MINDY3: variants seen among roughly 807,000 people sequenced by gnomAD.
MINDY3 encodes MINDY lysine 48 deubiquitinase 3.
MINDY3 carries 38 observed loss-of-function variants against 69.2 expected under a neutral mutation model. The observed-to-expected ratio is 0.55, with a 90% CI of 0.42 to 0.72. MINDY3 has a LOEUF of 0.72. Among genes scored for constraint, MINDY3 ranks in the 30% least tolerant of loss-of-function variants. The pLI is 0.00. For missense variants in MINDY3, 522 were observed against 519.0 expected (o/e 1.01, Z -0.06); for synonymous variants, 192 against 180.1 (o/e 1.07, Z -0.53).
chr10:15,849,487 G>A (rs1588652502), intron 1 of MINDY3, among the ~76,000 whole-genome samples: 1 of 151,386 alleles, frequency 6.6e-6, no homozygotes, highest in East Asian at 1.9e-4. Flanking sequence ...AGGAAGAGAA[G>A]CAGGAAGAAG....
At chr10:15,812,001 G>A (rs569651234) in intron 10 of MINDY3, among the ~76,000 whole-genome samples, 61 of 151,966 alleles carry the variant, frequency 4.0e-4, no homozygotes, top group Non-Finnish European at 7.4e-4. Context: ...GAGTGAAGTG[G>A]CACAATCTCA....
Position 15,837,965 on chromosome 10 carries a change from ATT to A in MINDY3, c.461+261_461+262del, listed in dbSNP as rs1025455309. On this transcript the variant is annotated intron_variant, in intron 5 of 14. Coordinates refer to ENST00000277632, the MANE Select transcript of MINDY3 (RefSeq NM_024948.4). ...GTCACAGAAACATTAAGCTAAAATG[ATT>A]TTTTTTCATTGTAATGATGAAAAAG... 3.1e-6 allele frequency: 3 copies of A among 961,052 alleles called. 1 individual carries two copies. Among genetic ancestry groups the A allele is most frequent in the East Asian group, 2.3e-4 (2 of 8,668 alleles). The allele number at this position is 961,052 out of a possible 1,614,324, so 59.5% of individuals were successfully genotyped here. A position where few individuals can be genotyped will look rare whatever the true frequency, so the allele number is the denominator to read the frequency against.
rs138217727 is a variant in MINDY3, at chr10:15,827,258, C to T, written c.731-5532G>A. ...TGATTTAACCTCATAAATATGAAAG[C>T]CAGCCAGGCGCGGTAGCTCACGCCT... On this transcript the variant is annotated intron_variant, in intron 8 of 14. Coordinates refer to ENST00000277632, the MANE Select transcript of MINDY3 (RefSeq NM_024948.4). Among the ~76,000 whole-genome samples the T allele has an allele frequency of 2.0e-4, 30 of 150,102 alleles. No homozygotes were observed. In the East Asian group the frequency reaches 4.9e-3, roughly 24 times the overall value.
intron 9 of MINDY3, among the ~76,000 whole-genome samples, chr10:15,818,323 A>C (rs1045523523): frequency 6.6e-6 from 1 of 151,942 alleles, no homozygotes; most frequent in African/African-American, 2.4e-5. Flanking sequence ...GAAGTAAAAA[A>C]AAAAAACAAA....
chr10:15,842,063 C>T (rs952107532), intron 3 of MINDY3, among the ~76,000 whole-genome samples: 4 of 151,654 alleles, frequency 2.6e-5, no homozygotes, highest in South Asian at 2.1e-4. Context: ...GATGAGAGAC[C>T]GTCAGCACAT....
At chr10:15,824,447 G>GA (rs1248383629) in intron 8 of MINDY3, among the ~76,000 whole-genome samples, 2 of 152,074 alleles carry the variant, frequency 1.3e-5, no homozygotes, top group Non-Finnish European at 2.9e-5. Flanking sequence ...TCTTTAACAT[G>GA]AAAAACATTG....
intron 8 of MINDY3, among the ~76,000 whole-genome samples, chr10:15,832,136 C>T (rs533614032): frequency 2.0e-5 from 3 of 152,094 alleles, no homozygotes; most frequent in East Asian, 1.9e-4. Flanking sequence ...CCGGAGAACG[C>T]GTAGAAAGAT....
At chr10:15,844,214 A>C (rs1343465622) in intron 2 of MINDY3, among the ~76,000 whole-genome samples, 1 of 152,164 alleles carries the variant, frequency 6.6e-6, no homozygotes, top group African/African-American at 2.4e-5. Context: ...TACAACAAAA[A>C]ACTAAGTCAT....
intron 8 of MINDY3, among the ~76,000 whole-genome samples, chr10:15,822,691 G>A (rs1380131744): frequency 6.6e-6 from 1 of 152,078 alleles, no homozygotes; most frequent in African/African-American, 2.4e-5. Context: ...AGCTAGAGAG[G>A]GATAAATAGC....
At chr10:15,819,412 G>A (rs976810845) in intron 9 of MINDY3, among the ~76,000 whole-genome samples, 3 of 152,134 alleles carry the variant, frequency 2.0e-5, no homozygotes, top group African/African-American at 7.2e-5. Flanking sequence ...TCATTCCCTT[G>A]CAAAAGATAG....
chr10:15,858,785 A>T (rs1834873957), intron 1 of MINDY3, among the ~76,000 whole-genome samples: 1 of 152,334 alleles, frequency 6.6e-6, no homozygotes, highest in Middle Eastern at 3.4e-3. Context: ...ATAAATGTTA[A>T]CTGATTACAA....
At chr10:15,806,070 C>CT (rs1232381320) in intron 10 of MINDY3, among the ~76,000 whole-genome samples, 2 of 152,158 alleles carry the variant, frequency 1.3e-5, no homozygotes, top group Non-Finnish European at 2.9e-5. Context: ...GGGCTGTTCT[C>CT]ATCGCCCCCT....
In MINDY3 at chr10:15,845,912, T is replaced by C. The variant is rs182735595; in HGVS notation, c.174+1952A>G. Among the ~76,000 whole-genome samples, 7 of 140,614 alleles carry C rather than the reference T, an allele frequency of 5.0e-5. No homozygotes were observed. In the East Asian group the frequency reaches 1.5e-3, roughly 30 times the overall value. 92.2% of individuals were successfully genotyped at this position (140,614 alleles called of 152,430 possible). On this transcript the variant is annotated intron_variant, in intron 2 of 14. Coordinates refer to ENST00000277632, the MANE Select transcript of MINDY3 (RefSeq NM_024948.4). ...ATCTCGGCTCACTGCAACCTCCACC[T>C]TCTGGTTTCAAGTGATTCTCCTGCA...
intron 2 of MINDY3, among the ~76,000 whole-genome samples, chr10:15,843,703 T>C (rs753230624): frequency 1.3e-5 from 2 of 152,110 alleles, no homozygotes; most frequent in Non-Finnish European, 2.9e-5. Context: ...TGACACAAGA[T>C]TAACACTATT....
chr10:15,851,185 G>A (rs1401993137), intron 1 of MINDY3, among the ~76,000 whole-genome samples: 2 of 152,114 alleles, frequency 1.3e-5, no homozygotes, highest in Non-Finnish European at 1.5e-5. Flanking sequence ...GCTTTTAAGT[G>A]CTAATGTTCC....
At chr10:15,813,261 C>T (rs1839132728) in intron 10 of MINDY3, among the ~76,000 whole-genome samples, 1 of 152,134 alleles carries the variant, frequency 6.6e-6, no homozygotes, top group Non-Finnish European at 1.5e-5. Context: ...TCAGTGCTCC[C>T]TCCAGCCCTT....
chr10:15,792,599 A>C (rs1429896472), intron 11 of MINDY3, among the ~76,000 whole-genome samples: 1 of 152,056 alleles, frequency 6.6e-6, no homozygotes, highest in African/African-American at 2.4e-5. Context: ...GTGTATATTA[A>C]GCTCTACCTA....
intron 11 of MINDY3, among the ~76,000 whole-genome samples, chr10:15,790,345 T>TATGA: frequency 6.6e-6 from 1 of 152,266 alleles, no homozygotes; most frequent in East Asian, 1.9e-4. Context: ...ACTAAAAGGT[T>TATGA]ATGAGTCATC....
chr10:15,810,264 A>G (rs1838908063), intron 10 of MINDY3, among the ~76,000 whole-genome samples: 1 of 152,180 alleles, frequency 6.6e-6, no homozygotes, highest in South Asian at 2.1e-4. Flanking sequence ...TTTAAGTCCT[A>G]AAAGTAAATT....
Sources: gnomAD v4.1 joint callset for allele counts (sites outside exome capture counted in the v4.1 genomes callset) on GRCh38, gnomAD v4.1.1 for gene constraint, MANE v1.5 for transcripts, NCBI Gene and HGNC (gene_info 2026-07-23, HGNC 2026-07-21) for gene names.